The following RORA variants were observed in gnomAD, a reference collection of about 807,000 sequenced individuals.
RORA encodes the protein RAR related orphan receptor A.
Under a neutral mutation model 69.5 loss-of-function variants are expected in RORA, and 7 were observed. The ratio of observed to expected loss-of-function variants is 0.10; its 90% CI spans 0.06 to 0.19. RORA has a LOEUF of 0.19. Among genes scored for constraint, RORA ranks in the 10% least tolerant of loss-of-function variants. RORA has a pLI of 1.00. For synonymous variants in RORA, 261 were observed against 240.8 expected, an observed-to-expected ratio of 1.08 and a Z score of -0.78; for missense variants, 457 against 663.0, an observed-to-expected ratio of 0.69 and a Z score of 3.41.
intron 1 of RORA, among the ~76,000 whole-genome samples, chr15:61,076,405 C>CA (rs5813067): frequency 0.42 from 58,812 of 141,704 alleles, 11,692 homozygotes; most frequent in African/African-American, 0.44. Flanking sequence ...TTGATCATCT[C>CA]AAAAAAAAAA....
chr15:60,944,981 C>T (rs971566084), intron 1 of RORA, among the ~76,000 whole-genome samples: 62 of 151,988 alleles, frequency 4.1e-4, no homozygotes, highest in Admixed American at 3.3e-4. Flanking sequence ...TAACAGATGC[C>T]CGATAGGAGC....
intron 1 of RORA, among the ~76,000 whole-genome samples, chr15:60,859,085 A>G (rs1186959632): frequency 6.6e-6 from 1 of 151,062 alleles, no homozygotes; most frequent in Non-Finnish European, 1.5e-5. Flanking sequence ...CTTTTTACCT[A>G]GGTTCTTGCC....
At chr15:60,891,975 G>C (rs1242933365) in intron 1 of RORA, among the ~76,000 whole-genome samples, 2 of 152,138 alleles carry the variant, frequency 1.3e-5, no homozygotes, top group Non-Finnish European at 2.9e-5. Flanking sequence ...TCCTCCAGAG[G>C]AAGATGACAA....
chr15:60,594,897 A>C (rs1313406100), intron 2 of RORA, among the ~76,000 whole-genome samples: 1 of 152,238 alleles, frequency 6.6e-6, no homozygotes, highest in Non-Finnish European at 1.5e-5. Context: ...TTCAGATATG[A>C]AGTCCTAACC....
At chr15:61,228,088 G>A (rs2080164735) in intron 1 of RORA, among the ~76,000 whole-genome samples, 2 of 151,972 alleles carry the variant, frequency 1.3e-5, no homozygotes, top group African/African-American at 4.8e-5. Context: ...GCCAGGGGAG[G>A]AGAAAACATT....
chr15:61,161,863 T>C (rs1225072465), intron 1 of RORA, among the ~76,000 whole-genome samples: 2 of 152,128 alleles, frequency 1.3e-5, no homozygotes, highest in African/African-American at 2.4e-5. Flanking sequence ...TACAATGATA[T>C]ACTGTGGCAA....
chr15:60,680,320 C>T (rs888224982), intron 1 of RORA, among the ~76,000 whole-genome samples: 6 of 152,180 alleles, frequency 3.9e-5, no homozygotes, highest in African/African-American at 9.7e-5. Flanking sequence ...CAGCCCAAAA[C>T]GACCTATCTA....
intron 2 of RORA, among the ~76,000 whole-genome samples, chr15:60,629,589 G>C (rs1361731332): frequency 6.6e-6 from 1 of 152,208 alleles, no homozygotes; most frequent in African/African-American, 2.4e-5. Flanking sequence ...TATGTGAGGA[G>C]TTGCTGTAAG....
intron 2 of RORA, among the ~76,000 whole-genome samples, chr15:60,535,069 T>C (rs1284871842): frequency 6.6e-6 from 1 of 152,104 alleles, no homozygotes; most frequent in Admixed American, 6.5e-5. Flanking sequence ...TCCCACCAGG[T>C]AGTGTGGTGT....
intron 8 of RORA, 73 bp from the exon 9 acceptor site, chr15:60,501,142 TTCCTAAGGTTC>T: frequency 4.0e-6 from 3 of 742,200 alleles, no homozygotes; most frequent in Admixed American, 2.2e-5. Flanking sequence ...GTCTTAGGTT[TTCCTAAGGTTC>T]TCCTAAGTCC....
chr15:61,126,064 T>C (rs2079140146), intron 1 of RORA, among the ~76,000 whole-genome samples: 1 of 152,188 alleles, frequency 6.6e-6, no homozygotes, highest in Non-Finnish European at 1.5e-5. Flanking sequence ...TGGGAAGAAT[T>C]CTGGTCACTT....
At chr15:61,027,977 C>A (rs1209289801) in intron 1 of RORA, among the ~76,000 whole-genome samples, 1 of 152,158 alleles carries the variant, frequency 6.6e-6, no homozygotes, top group African/African-American at 2.4e-5. Context: ...TTATAGCTAA[C>A]CACTTGTTCA....
chr15:60,501,803 T>G (rs2065339645), intron 8 of RORA, among the ~76,000 whole-genome samples: 2 of 152,206 alleles, frequency 1.3e-5, no homozygotes, highest in African/African-American at 4.8e-5. Context: ...TGGTGTCTAT[T>G]CCTTCAGATT....
rs1252079062 is a variant in RORA, at chr15:60,666,731, CG to C, written c.196+11925del. On this transcript the variant is annotated intron_variant, in intron 2 of 10. Transcript: ENST00000335670. ...CAAGATACTACAGATACAAAGGCACCGAGGTATGCCCATGCATGGAATCTCC... is the reference window on the plus strand; with the variant it reads ...CAAGATACTACAGATACAAAGGCACCAGGTATGCCCATGCATGGAATCTCC... Among the ~76,000 whole-genome samples, 4 of 152,188 alleles carry C rather than the reference CG, an allele frequency of 2.6e-5. No individual in the cohort carries two copies. In the South Asian group the frequency reaches 6.2e-4, roughly 24 times the overall value.
At chr15:60,684,067 C>G (rs1291809633) in intron 1 of RORA, among the ~76,000 whole-genome samples, 4 of 151,954 alleles carry the variant, frequency 2.6e-5, no homozygotes, top group African/African-American at 9.7e-5. Context: ...AGGAAATTGT[C>G]TGGGTATCCA....
chr15:61,007,070 C>G (rs981494107), intron 1 of RORA, among the ~76,000 whole-genome samples: 1 of 152,090 alleles, frequency 6.6e-6, no homozygotes, highest in African/African-American at 2.4e-5. Flanking sequence ...TACCTTCAAG[C>G]AGAAAGACAT....
At position 60,539,670 on chromosome 15, in the gene RORA, ATAAG is replaced by A. The variant is rs528661286; in HGVS notation, c.197-7823_197-7820del. ...ACTCATCCAGTGGGTCAGATACTAAATAAGTAAGTTCTCACCCAATAAATGATAC... is the reference window on the plus strand; with the variant it reads ...ACTCATCCAGTGGGTCAGATACTAAATAAGTTCTCACCCAATAAATGATAC... On this transcript the variant is annotated intron_variant, in intron 2 of 10. Transcript: ENST00000335670. 1.8e-4 allele frequency among the ~76,000 whole-genome samples: 27 copies of A among 152,340 alleles called. No homozygotes were observed. The South Asian group carries it at 5.2e-3, about 29-fold the overall frequency.
At chr15:60,806,152 A>C (rs2072657176) in intron 1 of RORA, among the ~76,000 whole-genome samples, 1 of 152,234 alleles carries the variant, frequency 6.6e-6, no homozygotes, top group East Asian at 1.9e-4. Flanking sequence ...TGTCAGGAGG[A>C]GAATAACTCC....
At chr15:60,566,430 T>G (rs2140437974) in intron 2 of RORA, among the ~76,000 whole-genome samples, 1 of 152,334 alleles carries the variant, frequency 6.6e-6, no homozygotes, top group South Asian at 2.1e-4. Flanking sequence ...TTGGTGTTAA[T>G]GCAGAAACTG....
Sources: gnomAD v4.1 joint callset for allele counts (sites outside exome capture counted in the v4.1 genomes callset) on GRCh38, gnomAD v4.1.1 for gene constraint, MANE v1.5 for transcripts, NCBI Gene and HGNC (gene_info 2026-07-23, HGNC 2026-07-21) for gene names.